CHRNE: variants seen among roughly 807,000 people sequenced by gnomAD.
CHRNE encodes acetylcholine receptor subunit epsilon.
CHRNE carries 58 observed loss-of-function variants against 56.5 expected under a neutral mutation model. The ratio of observed to expected loss-of-function variants is 1.03; its 90% CI spans 0.83 to 1.28. The LOEUF is 1.28. Ranked by LOEUF, CHRNE falls within the 50% of genes most tolerant of loss-of-function variation. The pLI is 0.00. For missense variants in CHRNE, 793 were observed against 688.9 expected (o/e 1.15, Z -1.69); for synonymous variants, 385 against 297.9 (o/e 1.29, Z -3.01).
intron 8 of CHRNE, chr17:4,900,244 C>T (rs1327348436): frequency 6.5e-7 from 1 of 1,547,200 alleles, no homozygotes; most frequent in Admixed American, 2.0e-5. Context: ...CAGATCTCAG[C>T]CCTGTGGCTG....
rs200343520 is a variant in CHRNE, at chr17:4,899,038, A to C, written c.1289T>G (p.Val430Gly). 16 of 1,611,194 alleles carry C rather than the reference A, an allele frequency of 9.9e-6. No homozygotes were observed. The highest frequency in any genetic ancestry group is 6.7e-5 in the Admixed American group (4 of 59,796). ...CTCCTGATCTCTCGTGCTCTCGGCC[A>C]CGAAGTTCACGGCATCCACACAGCA... The part of the protein sequence containing the change: ...VRCCVDAVNF[V>G]AESTRDQEAT... Residue 430 changes from valine (V) to glycine (G), a missense_variant, in exon 11 of 12, where the codon GTG (valine) becomes GGG (glycine). By Grantham distance (109) the Val-to-Gly change is moderately radical (BLOSUM62 -3). Transcript: ENST00000649488.
upstream of CHRNE, chr17:4,903,164 G>T: frequency 8.3e-7 from 1 of 1,198,350 alleles, no homozygotes; most frequent in Non-Finnish European, 1.2e-6. Context: ...GTTCCGGGCT[G>T]TTAGGGGACT....
chr17:4,906,622 G>A (rs1468740041), upstream of CHRNE, among the ~76,000 whole-genome samples: 1 of 152,112 alleles, frequency 6.6e-6, no homozygotes, highest in Non-Finnish European at 1.5e-5. Flanking sequence ...GGAGGCTGAG[G>A]TAGGAGAATT....
Position 4,898,233 on chromosome 17 carries a change from C to G in CHRNE, c.*503G>C, listed in dbSNP as rs1969785255. 2 of 214,824 alleles carry G rather than the reference C, an allele frequency of 9.3e-6. No homozygotes were observed. The highest frequency in any genetic ancestry group is 5.3e-5 in the Admixed American group (1 of 18,992). The allele number at this position is 214,824 out of a possible 1,614,324, so 13.3% of individuals were successfully genotyped here. A position where few individuals can be genotyped will look rare whatever the true frequency, so the allele number is the denominator to read the frequency against. On this transcript the variant is annotated 3_prime_UTR_variant, in exon 12 of 12. Transcript: ENST00000649488. ...CTAGAAGAAATGACTGTGGAAGGGT[C>G]AGGGCAGCCTCAGCCTTAAACCTGT...
chr17:4,899,229 C>T lies in CHRNE; in HGVS notation c.1188G>A (p.Glu396=). Residue 396 remains glutamate, a synonymous_variant, in exon 10 of 12, where the codon GAG becomes GAA. Coordinates refer to ENST00000649488, the MANE Select transcript of CHRNE (RefSeq NM_000080.4). ...AGGTCCCCTGCCGGTGCCTCTGCCC[C>T]TCAAACACGAGCTCGCTCCGTGGCT... ...LKKPRSELVF[E]GQRHRQGTWT... 1.2e-6 allele frequency: 2 copies of T among 1,607,200 alleles called. No homozygotes were observed. The highest frequency in any genetic ancestry group is 1.1e-5 in the South Asian group (1 of 90,716).
Position 4,898,749 on chromosome 17 carries a change from C to T in CHRNE, c.1469G>A (p.Cys490Tyr). The stretch of plus-strand genomic sequence containing the variant: ...AGTCGGTGCGAGCTAAGGCTGGATA[C>T]ACGGCGCGTAGGGGAGATCAGGCAC... The part of the protein sequence containing the change: ...NRVPDLPYAP[C>Y]IQP Residue 490 changes from cysteine to tyrosine, a missense_variant, in exon 12 of 12, where the codon TGT becomes TAT. By Grantham distance (194) the Cys-to-Tyr change is radical (BLOSUM62 -2). Transcript: ENST00000649488. 1 of 1,611,060 alleles carries T rather than the reference C, an allele frequency of 6.2e-7. No individual in the cohort carries two copies. The highest frequency in any genetic ancestry group is 8.5e-7 in the Non-Finnish European group (1 of 1,179,064).
In CHRNE at chr17:4,898,652, A is replaced by T. The variant is rs1969810196; in HGVS notation, c.*84T>A. On this transcript the variant is annotated 3_prime_UTR_variant, in exon 12 of 12. Coordinates refer to ENST00000649488, the MANE Select transcript of CHRNE (RefSeq NM_000080.4). Reference sequence around the variant, plus strand: ...GCAGATTGATCAGCAGGGGGAAGGGATCATAATGCCGTGGTGGCGGCAGCC... The same window carrying T: ...GCAGATTGATCAGCAGGGGGAAGGGTTCATAATGCCGTGGTGGCGGCAGCC... 3 of 1,507,176 alleles carry T rather than the reference A, an allele frequency of 2.0e-6. No individual in the cohort carries two copies. Among genetic ancestry groups the T allele is most frequent in the Non-Finnish European group, 2.7e-6 (3 of 1,111,850 alleles). 93.4% of individuals were successfully genotyped at this position (1,507,176 alleles called of 1,614,324 possible). A position where few individuals can be genotyped will look rare whatever the true frequency, so the allele number is the denominator to read the frequency against.
chr17:4,900,423 C>G, intron 8 of CHRNE: 1 of 1,550,964 alleles, frequency 6.4e-7, no homozygotes, highest in Non-Finnish European at 8.7e-7. Context: ...ATGGCTATGC[C>G]TGTGTGGACG....
At chr17:4,908,044 C>T (rs937856662), upstream of CHRNE, among the ~76,000 whole-genome samples, 3 of 152,102 alleles carry the variant, frequency 2.0e-5, no homozygotes, top group Admixed American at 6.5e-5. Context: ...GGGGATTACA[C>T]CTGTAATCCC....
chr17:4,906,341 G>A (rs760410867), upstream of CHRNE, among the ~76,000 whole-genome samples: 8 of 152,092 alleles, frequency 5.3e-5, no homozygotes, highest in African/African-American at 7.2e-5. Flanking sequence ...CTCCCAAAAC[G>A]GCCTGCCAGG....
At position 4,902,042 on chromosome 17, in the gene CHRNE, GACGAGC is replaced by G. The variant is rs1555546980; in HGVS notation, c.384_389del (p.Leu129_Val130del). On this transcript the variant is annotated inframe_deletion, in exon 5 of 12. Transcript: ENST00000649488. The surrounding 1 kb of genome is among the most constrained non-coding windows in gnomAD (Gnocchi z 4.0). ...GCCACGTCACGGAGCCGCCCTCGTA[GACGAGC>G]ACGTTGGCGTCGTAGGCCACTCCGA... 6.2e-7 allele frequency: 1 copy of G among 1,614,142 alleles called. No individual in the cohort carries two copies. Among genetic ancestry groups the G allele is most frequent in the Non-Finnish European group, 8.5e-7 (1 of 1,180,054 alleles).
At chr17:4,903,123 G>T (rs1196803074), upstream of CHRNE, 14 of 1,583,530 alleles carry the variant, frequency 8.8e-6, no homozygotes, top group East Asian at 2.2e-5. Context: ...GGGCATGCCA[G>T]GGTGCCTGTG....
intron 10 of CHRNE, 23 bp from the exon 11 acceptor site, chr17:4,899,130 G>A: frequency 1.2e-6 from 2 of 1,602,144 alleles, no homozygotes; most frequent in Non-Finnish European, 1.7e-6. Flanking sequence ...ACACCGGGGT[G>A]GGCCTTAGGA....
Position 4,900,360 on chromosome 17 carries a change from C to T in CHRNE, c.917+433G>A, listed in dbSNP as rs568573529. 52 of 1,548,446 alleles carry T rather than the reference C, an allele frequency of 3.4e-5. No individual in the cohort carries two copies. The African/African-American group carries it at 5.1e-4, about 15-fold the overall frequency. ...AGCCCAAGCCGCAGGGCAGGGGGTT[C>T]GGCAAGCTGGGGCTGCGGTGGGCGC... On this transcript the variant is annotated intron_variant, in intron 8 of 11. Coordinates refer to ENST00000649488, the MANE Select transcript of CHRNE (RefSeq NM_000080.4).
upstream of CHRNE, among the ~76,000 whole-genome samples, chr17:4,903,869 T>A (rs6502828): frequency 0.44 from 66,635 of 151,136 alleles, 15,944 homozygotes; most frequent in East Asian, 0.65. Context: ...TTAAAAAAAA[T>A]TTTTTTGAGA....
At chr17:4,908,310 C>A (rs1166882184) in intron 1 of CHRNE, among the ~76,000 whole-genome samples, 1 of 152,176 alleles carries the variant, frequency 6.6e-6, no homozygotes, top group Non-Finnish European at 1.5e-5. Flanking sequence ...ACACATAGAC[C>A]GCATTCACCT....
In CHRNE at chr17:4,902,635, T is replaced by C. The variant is rs762711228; in HGVS notation, c.175A>G (p.Asn59Asp). The C allele has an allele frequency of 6.2e-7, 1 of 1,614,052 alleles. No homozygotes were observed. The highest frequency in any genetic ancestry group is 1.7e-5 in the Admixed American group (1 of 60,004). Residue 59 changes from asparagine (N) to aspartate (D), a missense_variant, in exon 2 of 12, where the codon AAT becomes GAT. Transcript: ENST00000649488. This position sits in a 1 kb window ranked among gnomAD's most constrained non-coding sequence, Gnocchi z 4.0. ...GGGTAGCTTACCAGTGAGATGAGAT[T>C]CGTCAGGGTGACCTTGAGGCTGATG... is the stretch of plus-strand genomic sequence containing the variant. ...VTISLKVTLTNLISLNEKEET... is the reference protein window; with the variant it reads ...VTISLKVTLTDLISLNEKEET...
At chr17:4,907,892 C>T (rs1447959168), upstream of CHRNE, among the ~76,000 whole-genome samples, 2 of 151,844 alleles carry the variant, frequency 1.3e-5, no homozygotes, top group African/African-American at 2.4e-5. Flanking sequence ...AAATAGAAAA[C>T]TTAGTCGGGC....
At chr17:4,900,086 G>T in intron 8 of CHRNE, 3 of 1,550,952 alleles carry the variant, frequency 1.9e-6, no homozygotes, top group Non-Finnish European at 2.6e-6. Context: ...GCCCACCCTG[G>T]GGCTGGTGTT....
Sources: allele counts gnomAD v4.1 joint callset (sites outside exome capture counted in the v4.1 genomes callset), GRCh38; gene constraint gnomAD v4.1.1; non-coding constraint Gnocchi (gnomAD v3.1); transcripts MANE v1.5; gene names NCBI Gene and HGNC (gene_info 2026-07-23, HGNC 2026-07-21).